The following PTPRR variants were observed in gnomAD, a reference collection of about 807,000 sequenced individuals.
The protein encoded by PTPRR is receptor-type tyrosine-protein phosphatase R.
PTPRR carries 38 observed loss-of-function variants against 77.2 expected under a neutral mutation model. The observed-to-expected ratio is 0.49, with a 90% CI of 0.38 to 0.65. The LOEUF (loss-of-function observed/expected upper bound fraction) is 0.65. Among genes scored for constraint, PTPRR ranks in the 30% least tolerant of loss-of-function variants. The pLI is 0.00. For synonymous variants in PTPRR, 299 were observed against 283.1 expected (o/e 1.06, Z -0.57); for missense variants, 744 against 799.2 (o/e 0.93, Z 0.83).
chr12:70,784,018 G>A (rs1891266414), intron 2 of PTPRR, among the ~76,000 whole-genome samples: 1 of 152,126 alleles, frequency 6.6e-6, no homozygotes, highest in Non-Finnish European at 1.5e-5. Context: ...AACAGAGACA[G>A]GCACTCCAAG....
At chr12:70,689,800 T>C (rs74101546) in intron 8 of PTPRR, among the ~76,000 whole-genome samples, 5,067 of 152,244 alleles carry the variant, frequency 0.033, 158 homozygotes, top group African/African-American at 0.072. Flanking sequence ...GAGCACACAA[T>C]AGTACGCATA....
intron 6 of PTPRR, among the ~76,000 whole-genome samples, chr12:70,713,795 C>G (rs1257481333): frequency 6.6e-6 from 1 of 151,870 alleles, no homozygotes; most frequent in East Asian, 1.9e-4. Flanking sequence ...GACACTAGAC[C>G]CTTATTACAT....
chr12:70,701,567 A>G (rs1381447361), intron 6 of PTPRR, among the ~76,000 whole-genome samples: 1 of 152,248 alleles, frequency 6.6e-6, no homozygotes, highest in Non-Finnish European at 1.5e-5. Context: ...ATGAATGCAT[A>G]TACTTATTAC....
intron 9 of PTPRR, 79 bp downstream of exon 9, chr12:70,684,625 C>G: frequency 9.9e-7 from 1 of 1,005,808 alleles, no homozygotes; most frequent in Non-Finnish European, 1.5e-6. Context: ...CAAGCTTAAT[C>G]TACTCTAGGA....
At chr12:70,872,710 A>C (rs1295884635) in intron 2 of PTPRR, among the ~76,000 whole-genome samples, 1 of 148,962 alleles carries the variant, frequency 6.7e-6, no homozygotes, top group Non-Finnish European at 1.5e-5. Context: ...AAAAAAAAAA[A>C]AAAAAAAAAA....
At chr12:70,851,693 C>T (rs932920833) in intron 2 of PTPRR, among the ~76,000 whole-genome samples, 11 of 152,182 alleles carry the variant, frequency 7.2e-5, no homozygotes, top group African/African-American at 1.2e-4. Context: ...ATATTGAAGA[C>T]ATACTCCATT....
intron 2 of PTPRR, among the ~76,000 whole-genome samples, chr12:70,858,955 T>C (rs12309921): frequency 0.086 from 3,472 of 40,266 alleles, 135 homozygotes; most frequent in African/African-American, 0.19. Flanking sequence ...CATTTCGCCC[T>C]TTTTTTTTTT....
intron 12 of PTPRR, among the ~76,000 whole-genome samples, chr12:70,659,354 T>C (rs1046001297): frequency 1.3e-5 from 2 of 152,146 alleles, no homozygotes; most frequent in Admixed American, 1.3e-4. Flanking sequence ...CAGAAGGGCC[T>C]GAACTATGGT....
At chr12:70,775,815 C>T (rs1198206469) in intron 2 of PTPRR, among the ~76,000 whole-genome samples, 4 of 151,946 alleles carry the variant, frequency 2.6e-5, no homozygotes, top group African/African-American at 9.7e-5. Context: ...GAATCTTTAA[C>T]TCCATTCTTG....
intron 6 of PTPRR, among the ~76,000 whole-genome samples, chr12:70,714,312 G>C (rs560559061): frequency 6.6e-6 from 1 of 152,094 alleles, no homozygotes; most frequent in South Asian, 2.1e-4. Context: ...TAATGCAGAA[G>C]GAAGCAAATG....
Position 70,920,624 on chromosome 12 carries a change from G to A in PTPRR, c.-234C>T. Reference sequence around the variant, plus strand: ...GGTTGCGGGTAAGGGGAACAGAAGCGCTCAGAGGCGGCAAATGCCTGGCCT... The same window carrying A: ...GGTTGCGGGTAAGGGGAACAGAAGCACTCAGAGGCGGCAAATGCCTGGCCT... On this transcript the variant is annotated 5_prime_UTR_variant, in exon 1 of 14. Transcript: ENST00000283228. 2.2e-6 allele frequency: 1 copy of A among 455,054 alleles called. No homozygotes were observed. The highest frequency in any genetic ancestry group is 4.1e-6 in the Non-Finnish European group (1 of 246,538). 28.2% of individuals were successfully genotyped at this position (455,054 alleles called of 1,614,324 possible). A position where few individuals can be genotyped will look rare whatever the true frequency, so the allele number is the denominator to read the frequency against.
rs115366371 is a variant in PTPRR, at chr12:70,760,989, T to C, written c.627+482A>G. On this transcript the variant is annotated intron_variant, in intron 4 of 13. Transcript: ENST00000283228. ...AAGACTTAAGTTCTTTAAAAAACTA[T>C]AGTTTCTTCAGAAAAAGAAAAATCA... Among the ~76,000 whole-genome samples the C allele has an allele frequency of 5.2e-3, 793 of 152,306 alleles. 4 individuals are homozygous for C. Among genetic ancestry groups the C allele is most frequent in the African/African-American group, 0.019 (769 of 41,564 alleles).
At chr12:70,843,731 CA>C (rs1341161803) in intron 2 of PTPRR, among the ~76,000 whole-genome samples, 1 of 151,352 alleles carries the variant, frequency 6.6e-6, no homozygotes, top group Non-Finnish European at 1.5e-5. Context: ...ATATGATTAC[CA>C]AAAGTGGATT....
chr12:70,863,187 C>T (rs1007938046), intron 2 of PTPRR, among the ~76,000 whole-genome samples: 2 of 152,110 alleles, frequency 1.3e-5, no homozygotes, highest in Non-Finnish European at 2.9e-5. Flanking sequence ...GTGCACTGAC[C>T]AGAAGAAGAC....
intron 2 of PTPRR, among the ~76,000 whole-genome samples, chr12:70,834,162 G>T (rs1892263210): frequency 6.6e-6 from 1 of 152,084 alleles, no homozygotes; most frequent in African/African-American, 2.4e-5. Context: ...CAACCATACA[G>T]CATTTCTGAA....
intron 8 of PTPRR, among the ~76,000 whole-genome samples, chr12:70,689,339 A>G (rs1479897495): frequency 6.6e-6 from 1 of 152,142 alleles, no homozygotes; most frequent in Non-Finnish European, 1.5e-5. Context: ...AATAAAACCT[A>G]AAGAGTAATC....
At chr12:70,737,591 C>T (rs1889914157) in intron 6 of PTPRR, among the ~76,000 whole-genome samples, 1 of 152,020 alleles carries the variant, frequency 6.6e-6, no homozygotes, top group South Asian at 2.1e-4. Context: ...TGTGACACAG[C>T]TCACTGCAAC....
intron 2 of PTPRR, among the ~76,000 whole-genome samples, chr12:70,833,362 G>T (rs1362250721): frequency 1.3e-5 from 2 of 152,110 alleles, no homozygotes; most frequent in African/African-American, 4.8e-5. Flanking sequence ...AGGTAGGCTG[G>T]AGTGGTGGGT....
chr12:70,717,869 T>C lies in PTPRR; in HGVS notation c.1008-16546A>G, dbSNP rs543230716. Reference sequence around the variant, plus strand: ...TTATTTCTTCTGTTTATCATAATGTTTTGCATTGATTCCAAAGGAAAAAAA... The same window carrying C: ...TTATTTCTTCTGTTTATCATAATGTCTTGCATTGATTCCAAAGGAAAAAAA... On this transcript the variant is annotated intron_variant, in intron 6 of 13. Coordinates refer to ENST00000283228, the MANE Select transcript of PTPRR (RefSeq NM_002849.4). Among the ~76,000 whole-genome samples the C allele has an allele frequency of 5.9e-5, 9 of 152,332 alleles. No individual in the cohort carries two copies. The East Asian group carries it at 1.7e-3, about 29-fold the overall frequency.
Sources: gnomAD v4.1 joint callset for allele counts (sites outside exome capture counted in the v4.1 genomes callset) on GRCh38, gnomAD v4.1.1 for gene constraint, MANE v1.5 for transcripts, NCBI Gene and HGNC (gene_info 2026-07-23, HGNC 2026-07-21) for gene names.